The following ABCA3 variants were observed in gnomAD, a reference collection of about 807,000 sequenced individuals.
ABCA3 encodes the protein phospholipid-transporting ATPase ABCA3.
Under a neutral mutation model 172.8 loss-of-function variants are expected in ABCA3, and 88 were observed. The ratio of observed to expected loss-of-function variants is 0.51; its 90% CI spans 0.43 to 0.61. The LOEUF is 0.61. ABCA3 is among the 20% of genes least tolerant of loss of function. ABCA3 has a pLI of 0.00. For missense variants in ABCA3, 2,164 were observed against 2,301.0 expected, an observed-to-expected ratio of 0.94 and a Z score of 1.22; for synonymous variants, 1,066 against 983.8, an observed-to-expected ratio of 1.08 and a Z score of -1.56.
Position 2,295,779 on chromosome 16 carries a change from C to T in ABCA3, c.2264-39G>A, listed in dbSNP as rs140541746. 1,655 of 1,612,972 alleles carry T rather than the reference C, an allele frequency of 1.0e-3. 32 individuals carry two copies. The South Asian group carries it at 0.016, about 15-fold the overall frequency. Reference sequence around the variant, plus strand: ...CCACGTGTGAGATCTTTGGCTGATCCCCCAGGTCTCTTCATGCCCACCCCG... The same window carrying T: ...CCACGTGTGAGATCTTTGGCTGATCTCCCAGGTCTCTTCATGCCCACCCCG... On this transcript the variant is annotated intron_variant, in intron 17 of 32. Coordinates refer to ENST00000301732, the MANE Select transcript of ABCA3 (RefSeq NM_001089.3).
intron 18 of ABCA3, among the ~76,000 whole-genome samples, chr16:2,294,415 G>A (rs557220519): frequency 1.3e-5 from 2 of 152,248 alleles, no homozygotes; most frequent in African/African-American, 4.8e-5. Context: ...GCCGGGTGCA[G>A]TGGCTCACAC....
In ABCA3 at chr16:2,285,610, G is replaced by A. The variant is rs1207647376; in HGVS notation, c.3315C>T (p.Leu1105=). 1 of 1,556,162 alleles carries A rather than the reference G, an allele frequency of 6.4e-7. No individual in the cohort carries two copies. The highest frequency in any genetic ancestry group is 8.7e-7 in the Non-Finnish European group (1 of 1,149,424). Residue 1105 remains leucine (L), a synonymous_variant, in exon 23 of 33, where the codon CTC becomes CTT. Transcript: ENST00000301732. The surrounding 1 kb of genome is among the most constrained non-coding windows in gnomAD (Gnocchi z 4.7). ...TGCTGGCCAAGAATGCCATGGCGAAGAGCAGGTTGAGGGCAATGTCGAATC... is the reference window on the plus strand; with the variant it reads ...TGCTGGCCAAGAATGCCATGGCGAAAAGCAGGTTGAGGGCAATGTCGAATC... ...RKGFDIALNL[L]FAMAFLASTF... is the part of the protein sequence containing the mutation.
Position 2,288,320 on chromosome 16 carries a change from G to A in ABCA3, c.2710C>T (p.His904Tyr), listed in dbSNP as rs1335580734. Residue 904 changes from histidine to tyrosine, a missense_variant, in exon 21 of 33, where the codon CAC becomes TAC. By Grantham distance (83) the His-to-Tyr change is moderately conservative. Around this residue, in one of 3 missense-constraint regions of ABCA3, gnomAD observed 1,343 missense variants for 1,369.6 expected, o/e 0.98. Transcript: ENST00000301732. The stretch of plus-strand genomic sequence containing the variant: ...AACATGGCCCAGAATTGCTGGCAGT[G>A]CAGGGCGAGCTGCGGCAGAGGGGAC... ...AVKLNTGLAL[H>Y]CQQFWAMFLK... 6.4e-7 allele frequency: 1 copy of A among 1,555,950 alleles called. No individual in the cohort carries two copies. Among genetic ancestry groups the A allele is most frequent in the Admixed American group, 1.9e-5 (1 of 52,892 alleles).
rs1171254786 is a variant in ABCA3 at position 2,293,539 on chromosome 16, G to GT, written c.2415-1302dup. On this transcript the variant is annotated intron_variant, in intron 18 of 32. Transcript: ENST00000301732. ...GGTGTGCACAACTACACGTGGCTAA[G>GT]TTTTTTTTTTTTTTTTGAGACTGAG... Among the ~76,000 whole-genome samples the GT allele has an allele frequency of 4.1e-3, 542 of 130,870 alleles. 1 individual carries two copies. Among genetic ancestry groups the GT allele is most frequent in the Admixed American group, 4.9e-3 (64 of 13,018 alleles). 85.9% of individuals were successfully genotyped at this position (130,870 alleles called of 152,430 possible).
In ABCA3 at chr16:2,281,374, A is replaced by C; in HGVS notation, c.4164+7T>G. ...AGGAAGGACTCCACCCCAAATTGCA[A>C]GGGTACCTTGGAGAGCTCCTTGATA... On this transcript the variant is annotated splice_region_variant and intron_variant, in intron 27 of 32. Transcript: ENST00000301732. This position sits in a 1 kb window ranked among gnomAD's most constrained non-coding sequence, Gnocchi z 4.7. 6.2e-7 allele frequency: 1 copy of C among 1,613,594 alleles called. No homozygotes were observed. The highest frequency in any genetic ancestry group is 8.5e-7 in the Non-Finnish European group (1 of 1,179,972).
Position 2,283,862 on chromosome 16 carries a change from C to A in ABCA3, c.3862+417G>T, listed in dbSNP as rs1391446893. The A allele has an allele frequency of 1.3e-5, 3 of 237,410 alleles. No individual in the cohort carries two copies. Among genetic ancestry groups the A allele is most frequent in the African/African-American group, 4.5e-5 (2 of 44,480 alleles). The allele number at this position is 237,410 out of a possible 1,614,324, so 14.7% of individuals were successfully genotyped here. On this transcript the variant is annotated intron_variant, in intron 25 of 32. Transcript: ENST00000301732. The surrounding 1 kb of genome is among the most constrained non-coding windows in gnomAD (Gnocchi z 5.4). Reference sequence around the variant, plus strand: ...AGCAAGTGTCCTTATAAGAGAAATGCAGAAGGAGATTTGAGACAGGAGACA... The same window carrying A: ...AGCAAGTGTCCTTATAAGAGAAATGAAGAAGGAGATTTGAGACAGGAGACA...
chr16:2,315,292 G>A (rs766934010), intron 10 of ABCA3, among the ~76,000 whole-genome samples: 42 of 151,132 alleles, frequency 2.8e-4, no homozygotes, highest in Middle Eastern at 3.4e-3. Flanking sequence ...AATTCGAACC[G>A]AAGACACATG....
chr16:2,317,489 C>T (rs961188307), intron 9 of ABCA3, 86 bp from the exon 10 acceptor site: 90 of 1,488,480 alleles, frequency 6.0e-5, no homozygotes, highest in South Asian at 2.5e-4. Flanking sequence ...CACAGGGACG[C>T]GGCTCCACCG....
intron 10 of ABCA3, among the ~76,000 whole-genome samples, chr16:2,316,714 T>C (rs2093716481): frequency 6.6e-6 from 1 of 151,226 alleles, no homozygotes. Context: ...TAAAAGTACT[T>C]AGAGTGGTGG....
chr16:2,303,697 G>C (rs996520000), intron 12 of ABCA3, among the ~76,000 whole-genome samples: 2 of 152,240 alleles, frequency 1.3e-5, no homozygotes, highest in African/African-American at 4.8e-5. Flanking sequence ...GGGTCTTGCA[G>C]AGAGGGGCCA....
At chr16:2,321,685 G>A (rs2093726329) in intron 7 of ABCA3, among the ~76,000 whole-genome samples, 3 of 152,028 alleles carry the variant, frequency 2.0e-5, no homozygotes, top group Non-Finnish European at 1.5e-5. Context: ...GGAGGCACAC[G>A]TACCAACCAC....
chr16:2,292,105 CA>C, intron 19 of ABCA3, 34 bp downstream of exon 19: 6 of 1,547,368 alleles, frequency 3.9e-6, no homozygotes, highest in Non-Finnish European at 5.4e-6. Flanking sequence ...GCACGGAGCC[CA>C]GTCCTAGGTG....
intron 12 of ABCA3, among the ~76,000 whole-genome samples, chr16:2,303,368 TCTC>T (rs1408963479): frequency 1.3e-5 from 2 of 149,832 alleles, no homozygotes; most frequent in African/African-American, 4.9e-5. Flanking sequence ...TTCATGCCAT[TCTC>T]CTGCCTCAGC....
At chr16:2,331,350 C>T (rs2093742883) in intron 1 of ABCA3, among the ~76,000 whole-genome samples, 1 of 152,166 alleles carries the variant, frequency 6.6e-6, no homozygotes, top group South Asian at 2.1e-4. Context: ...AGGCACATGC[C>T]ACCACGCCCG....
At chr16:2,298,016 T>C in intron 15 of ABCA3, 95 bp from the exon 16 acceptor site, 1 of 1,122,576 alleles carries the variant, frequency 8.9e-7, no homozygotes, top group Non-Finnish European at 1.3e-6. Flanking sequence ...CTCCTTGACG[T>C]AGCTGGGGAG....
intron 11 of ABCA3, among the ~76,000 whole-genome samples, chr16:2,307,722 C>CA (rs1214886176): frequency 6.6e-6 from 1 of 152,162 alleles, no homozygotes; most frequent in Non-Finnish European, 1.5e-5. Context: ...TCTCCTGCCT[C>CA]AGCCTCTCGA....
intron 7 of ABCA3, among the ~76,000 whole-genome samples, chr16:2,321,510 G>T (rs2093726045): frequency 6.6e-6 from 1 of 152,122 alleles, no homozygotes; most frequent in Admixed American, 6.6e-5. Flanking sequence ...CATGAGTTCT[G>T]TCTCCTGCCA....
chr16:2,308,518 C>T lies in ABCA3; in HGVS notation c.1217G>A (p.Cys406Tyr). 1 of 1,614,224 alleles carries T rather than the reference C, an allele frequency of 6.2e-7. No homozygotes were observed. ...YNWMTLSQKL[C>Y]SCLLSNVAMA... ...GGCGACATTAGACAGGAGGCAGGAG[C>T]AGAGCTTCTGGCTCAGAGTCATCCA... The change falls in exon 11 of 33, where the codon TGC becomes TAC. Residue 406 changes from cysteine to tyrosine, a missense_variant. Physicochemically the swap from Cys to Tyr is radical, Grantham distance 194. Around this residue, in one of 3 missense-constraint regions of ABCA3, gnomAD observed 1,343 missense variants for 1,369.6 expected, o/e 0.98. Transcript: ENST00000301732.
intron 1 of ABCA3, chr16:2,332,306 GA>G (rs1373792656): frequency 1.5e-6 from 1 of 661,188 alleles, no homozygotes; most frequent in East Asian, 2.7e-5. Flanking sequence ...TGATAGTCAC[GA>G]TGGGCTTATC....
Sources: gnomAD v4.1 joint callset for allele counts (sites outside exome capture counted in the v4.1 genomes callset) on GRCh38, gnomAD v4.1.1 for gene constraint, gnomAD v4.1.1 regional missense constraint, Gnocchi (gnomAD v3.1) non-coding constraint, MANE v1.5 for transcripts, NCBI Gene and HGNC (gene_info 2026-07-23, HGNC 2026-07-21) for gene names.